TMEM182: variants seen among roughly 807,000 people sequenced by gnomAD.
TMEM182 encodes transmembrane protein 182.
In TMEM182, 20 loss-of-function variants were observed where a neutral mutation model predicts 26.8. The ratio of observed to expected loss-of-function variants is 0.75; its 90% confidence interval spans 0.53 to 1.09. TMEM182 has a LOEUF of 1.09. TMEM182 is among the 50% of genes least tolerant of loss of function. TMEM182 has a pLI of 0.00. For synonymous variants in TMEM182, 109 were observed against 102.2 expected (o/e 1.07, Z -0.40); for missense variants, 277 against 275.5 (o/e 1.01, Z -0.04).
chr2:102,819,273 A>G (rs555735876), downstream of TMEM182, among the ~76,000 whole-genome samples: 1 of 152,340 alleles, frequency 6.6e-6, no homozygotes, highest in African/African-American at 2.4e-5. Flanking sequence ...TTTAAACAAC[A>G]AATACTACCA....
intron 3 of TMEM182, among the ~76,000 whole-genome samples, chr2:102,789,441 A>G (rs1681541818): frequency 6.6e-6 from 1 of 152,220 alleles, no homozygotes; most frequent in South Asian, 2.1e-4. Flanking sequence ...TCAAGAGGAA[A>G]TGTTTAAATA....
At chr2:102,803,935 C>G (rs1682249112) in intron 4 of TMEM182, among the ~76,000 whole-genome samples, 1 of 151,902 alleles carries the variant, frequency 6.6e-6, no homozygotes, top group Non-Finnish European at 1.5e-5. Flanking sequence ...GCTCTGCCGT[C>G]TACACCTGCA....
At position 102,814,607 on chromosome 2, in the gene TMEM182, T is replaced by C. The variant is rs1682673472; in HGVS notation, c.470-141T>C. On this transcript the variant is annotated intron_variant, in intron 4 of 4. Transcript: ENST00000412401. ...AAAGAAATATCTATAAAGTACATAA[T>C]AAAAGGTCTGACGTAGAGTATTTGA... 13 of 691,082 alleles carry C rather than the reference T, an allele frequency of 1.9e-5. No individual in the cohort carries two copies. In the East Asian group the frequency reaches 3.6e-4, roughly 19 times the overall value. 42.8% of individuals were successfully genotyped at this position (691,082 alleles called of 1,614,324 possible).
chr2:102,773,533 A>G (rs937497039), intron 3 of TMEM182, among the ~76,000 whole-genome samples: 3 of 96,530 alleles, frequency 3.1e-5, no homozygotes, highest in African/African-American at 1.7e-4. Context: ...TGACAACAAC[A>G]GAAGCGAAGT....
intron 3 of TMEM182, among the ~76,000 whole-genome samples, chr2:102,777,693 T>C (rs1269818893): frequency 1.3e-5 from 2 of 151,974 alleles, no homozygotes; most frequent in African/African-American, 4.8e-5. Context: ...ACATAGATAA[T>C]CATGTCATTT....
chr2:102,777,166 T>C (rs1482413156), intron 3 of TMEM182, among the ~76,000 whole-genome samples: 1 of 152,100 alleles, frequency 6.6e-6, no homozygotes, highest in Non-Finnish European at 1.5e-5. Flanking sequence ...GTCCAATTTG[T>C]CTCTGTTTTT....
chr2:102,762,784 G>T, intron 2 of TMEM182, 98 bp downstream of exon 2: 1 of 955,410 alleles, frequency 1.0e-6, no homozygotes, highest in Non-Finnish European at 1.5e-6. Context: ...TGGATTGTGA[G>T]TTACAAAATC....
rs1682064299 is a variant in TMEM182 at position 102,800,252 on chromosome 2, ATTTTTATTACTCC to A, written c.469+2253_469+2265del. On this transcript the variant is annotated intron_variant, in intron 4 of 4. Coordinates refer to ENST00000412401, the MANE Select transcript of TMEM182 (RefSeq NM_144632.5). ...AATCACCACTATCTGACTTCAGAAT[ATTTTTATTACTCC>A]ACAGAGAAACCTTGTTTTCTACTCT... Among the ~76,000 whole-genome samples, 8 of 152,296 alleles carry A rather than the reference ATTTTTATTACTCC, an allele frequency of 5.3e-5. No individual in the cohort carries two copies. The South Asian group carries it at 1.7e-3, about 32-fold the overall frequency.
intron 3 of TMEM182, chr2:102,834,319 C>G: frequency 1.1e-6 from 1 of 909,468 alleles, no homozygotes; most frequent in Non-Finnish European, 1.3e-6. Flanking sequence ...CATTTACCAT[C>G]TTAGGACTCG....
At chr2:102,838,933 A>G (rs949723342) in intron 3 of TMEM182, among the ~76,000 whole-genome samples, 8 of 152,220 alleles carry the variant, frequency 5.3e-5, no homozygotes, top group African/African-American at 1.9e-4. Flanking sequence ...AAAAACTGCC[A>G]TCTTCGCCAA....
chr2:102,833,928 A>G (rs945324772), intron 3 of TMEM182, among the ~76,000 whole-genome samples: 3 of 152,332 alleles, frequency 2.0e-5, no homozygotes, highest in Non-Finnish European at 4.4e-5. Flanking sequence ...ATTTCTGGTG[A>G]TGGCACCATT....
rs1681469975 is a variant in TMEM182 at position 102,787,995 on chromosome 2, T to C, written c.332-9868T>C. 2.0e-5 allele frequency among the ~76,000 whole-genome samples: 3 copies of C among 152,348 alleles called. No homozygotes were observed. The South Asian group carries it at 6.2e-4, about 32-fold the overall frequency. ...TCAGAGGGACCAGGAGTCTTACCTT[T>C]CTTAATCTGGCTGCATATCACAGTG... On this transcript the variant is annotated intron_variant, in intron 3 of 4. Transcript: ENST00000412401.
chr2:102,779,799 C>T (rs1457873014), intron 3 of TMEM182, among the ~76,000 whole-genome samples: 1 of 151,836 alleles, frequency 6.6e-6, no homozygotes, highest in African/African-American at 2.4e-5. Flanking sequence ...GAGTTTGAGA[C>T]CAGCCTGGCC....
At chr2:102,752,811 A>C (rs1419282314) in intron 1 of TMEM182, among the ~76,000 whole-genome samples, 1 of 152,214 alleles carries the variant, frequency 6.6e-6, no homozygotes, top group Non-Finnish European at 1.5e-5. Context: ...GACAAAGATA[A>C]ATCAGAATTT....
intron 3 of TMEM182, among the ~76,000 whole-genome samples, chr2:102,787,222 T>C (rs1681432525): frequency 6.6e-6 from 1 of 152,218 alleles, no homozygotes; most frequent in African/African-American, 2.4e-5. Context: ...TGTAACAAAA[T>C]ACCACAGCCT....
At chr2:102,806,423 C>T (rs1682349338) in intron 4 of TMEM182, among the ~76,000 whole-genome samples, 1 of 152,102 alleles carries the variant, frequency 6.6e-6, no homozygotes, top group South Asian at 2.1e-4. Context: ...TGTCATGGGA[C>T]TGTGGGGTGA....
intron 3 of TMEM182, among the ~76,000 whole-genome samples, chr2:102,838,879 C>A (rs537617961): frequency 6.6e-6 from 1 of 152,034 alleles, no homozygotes; most frequent in African/African-American, 2.4e-5. Context: ...GATACACTGT[C>A]GCTGTGAAAA....
rs190633001 is a variant in TMEM182, at chr2:102,811,423, C to T, written c.470-3325C>T. ...TGTAGTATGAGGTTACTATTTTCTC[C>T]GTCAAAATTAATAAGCATTTTATTG... On this transcript the variant is annotated intron_variant, in intron 4 of 4. Transcript: ENST00000412401. Among the ~76,000 whole-genome samples the T allele has an allele frequency of 2.1e-4, 32 of 152,202 alleles. No homozygotes were observed. The East Asian group carries it at 3.3e-3, about 16-fold the overall frequency.
chr2:102,783,903 G>A (rs975530202), intron 3 of TMEM182, among the ~76,000 whole-genome samples: 20 of 152,290 alleles, frequency 1.3e-4, no homozygotes, highest in African/African-American at 4.6e-4. Context: ...GGATAATGAG[G>A]TATGCTTGCC....
Sources: gnomAD v4.1 joint callset for allele counts (sites outside exome capture counted in the v4.1 genomes callset) on GRCh38, gnomAD v4.1.1 for gene constraint, MANE v1.5 for transcripts, NCBI Gene and HGNC (gene_info 2026-07-23, HGNC 2026-07-21) for gene names.